EIPR1: variants seen among roughly 807,000 people sequenced by gnomAD.
EIPR1 encodes EARP complex and GARP complex interacting protein 1.
A neutral mutation model predicts 48.1 loss-of-function variants in EIPR1; 25 were observed. The observed-to-expected ratio is 0.52, with a 90% CI of 0.38 to 0.73. The LOEUF (loss-of-function observed/expected upper bound fraction) is 0.73, where lower values mean the gene tolerates loss of function less well. EIPR1 is among the 30% of genes least tolerant of loss of function. The pLI, the probability that EIPR1 is intolerant of heterozygous loss-of-function variation, is 0.00. For missense variants in EIPR1, 415 were observed against 506.2 expected, an observed-to-expected ratio of 0.82 and a Z score of 1.73; for synonymous variants, 204 against 201.9, an observed-to-expected ratio of 1.01 and a Z score of -0.09.
At position 3,313,094 on chromosome 2, in the gene EIPR1, A is replaced by G. The variant is rs540298565; in HGVS notation, c.259+24923T>C. Among the ~76,000 whole-genome samples the G allele has an allele frequency of 3.3e-5, 5 of 152,304 alleles. No individual in the cohort carries two copies. In the East Asian group the frequency reaches 5.8e-4, roughly 18 times the overall value. On this transcript the variant is annotated intron_variant, in intron 3 of 8. Transcript: ENST00000382125. ...AGCCTCAAGGAGACCCAGTGACCCA[A>G]TGAGGCTGGGTGACTGCCTCCAACT...
intron 1 of EIPR1, among the ~76,000 whole-genome samples, chr2:3,375,847 C>G (rs1005732391): frequency 6.6e-6 from 1 of 152,216 alleles, no homozygotes; most frequent in Admixed American, 6.5e-5. Context: ...GTGTCTGACA[C>G]ATAGTCCAGA....
In EIPR1 at chr2:3,285,355, C is replaced by A. The variant is rs560083870; in HGVS notation, c.260-27900G>T. Among the ~76,000 whole-genome samples the A allele has an allele frequency of 3.5e-4, 52 of 149,270 alleles. No individual in the cohort carries two copies. The East Asian group carries it at 8.8e-3, about 25-fold the overall frequency. ...CCCACCCCCACCCCCCAGGTCCCAG[C>A]TGTGGTGGACGGGAGCAGCAACACC... is the stretch of plus-strand genomic sequence containing the variant. On this transcript the variant is annotated intron_variant, in intron 3 of 8. Transcript: ENST00000382125.
At chr2:3,237,863 T>C (rs969563450) in intron 4 of EIPR1, among the ~76,000 whole-genome samples, 9 of 152,344 alleles carry the variant, frequency 5.9e-5, no homozygotes, top group Admixed American at 5.2e-4. Context: ...ACACGGCTGC[T>C]GTTCAATAAG....
chr2:3,340,487 T>C (rs11127413), intron 2 of EIPR1, among the ~76,000 whole-genome samples: 75,026 of 152,142 alleles, frequency 0.49, 20,429 homozygotes, highest in East Asian at 0.82. Context: ...ACCAGAGAAA[T>C]GAACACAGCA....
intron 1 of EIPR1, among the ~76,000 whole-genome samples, chr2:3,355,485 C>G (rs980085795): frequency 6.6e-6 from 1 of 152,156 alleles, no homozygotes; most frequent in African/African-American, 2.4e-5. Context: ...AAATCTGACA[C>G]TGAAAAATGT....
chr2:3,234,686 T>C (rs916903602), intron 4 of EIPR1, among the ~76,000 whole-genome samples: 3 of 152,256 alleles, frequency 2.0e-5, no homozygotes, highest in African/African-American at 4.8e-5. Context: ...CGGGACGCTG[T>C]TGAATTACAA....
intron 3 of EIPR1, among the ~76,000 whole-genome samples, chr2:3,328,222 T>C (rs1437465693): frequency 6.6e-6 from 1 of 152,192 alleles, no homozygotes; most frequent in Non-Finnish European, 1.5e-5. Context: ...CACATGAGTC[T>C]GCCTCACACT....
chr2:3,233,927 G>A (rs577435727), intron 4 of EIPR1, among the ~76,000 whole-genome samples: 6 of 152,196 alleles, frequency 3.9e-5, no homozygotes, highest in Non-Finnish European at 8.8e-5. Flanking sequence ...TCTATAAGGG[G>A]CTCAATGACA....
chr2:3,246,046 C>A (rs1666783339), intron 4 of EIPR1, among the ~76,000 whole-genome samples: 1 of 152,162 alleles, frequency 6.6e-6, no homozygotes, highest in African/African-American at 2.4e-5. Flanking sequence ...GAGCCGTGAT[C>A]ACACCACTGC....
At chr2:3,196,840 G>A in intron 6 of EIPR1, 41 bp downstream of exon 6, 1 of 1,607,346 alleles carries the variant, frequency 6.2e-7, no homozygotes, top group Non-Finnish European at 8.5e-7. Flanking sequence ...CTCGGTGAGG[G>A]AGGAAAGGAA....
intron 3 of EIPR1, among the ~76,000 whole-genome samples, chr2:3,300,463 T>C (rs920472644): frequency 2.4e-4 from 36 of 152,150 alleles, no homozygotes; most frequent in African/African-American, 8.4e-4. Context: ...CCTTCATCAT[T>C]GCTCCCTAAA....
intron 3 of EIPR1, among the ~76,000 whole-genome samples, chr2:3,291,702 T>G (rs1668371187): frequency 6.6e-6 from 1 of 152,204 alleles, no homozygotes; most frequent in Non-Finnish European, 1.5e-5. Flanking sequence ...CCATCCTTTC[T>G]CTCATTTAAT....
chr2:3,263,321 T>A (rs926176886), intron 3 of EIPR1, among the ~76,000 whole-genome samples: 3 of 152,084 alleles, frequency 2.0e-5, no homozygotes, highest in Non-Finnish European at 4.4e-5. Flanking sequence ...GACTGAGAAA[T>A]TGGAGACCCA....
intron 3 of EIPR1, among the ~76,000 whole-genome samples, chr2:3,269,100 T>A (rs993591222): frequency 1.3e-5 from 2 of 152,146 alleles, no homozygotes; most frequent in South Asian, 2.1e-4. Context: ...ATCTACTCCA[T>A]CATGTGGGCA....
At chr2:3,317,882 G>C (rs1669361325) in intron 3 of EIPR1, among the ~76,000 whole-genome samples, 1 of 152,198 alleles carries the variant, frequency 6.6e-6, no homozygotes, top group Non-Finnish European at 1.5e-5. Context: ...TGCCATGCCT[G>C]ACCCTGAAGC....
intron 4 of EIPR1, among the ~76,000 whole-genome samples, chr2:3,245,791 G>A (rs1205632845): frequency 6.6e-6 from 1 of 152,212 alleles, no homozygotes; most frequent in Non-Finnish European, 1.5e-5. Context: ...CAGGTGCGGT[G>A]GCTCACACCT....
At chr2:3,288,994 T>A (rs1668289704) in intron 3 of EIPR1, among the ~76,000 whole-genome samples, 2 of 152,148 alleles carry the variant, frequency 1.3e-5, no homozygotes, top group South Asian at 4.2e-4. Context: ...CACGGCCGTA[T>A]CTCCCGCAAT....
chr2:3,272,994 A>T (rs1391339619), intron 3 of EIPR1, among the ~76,000 whole-genome samples: 1 of 152,230 alleles, frequency 6.6e-6, no homozygotes, highest in Non-Finnish European at 1.5e-5. Context: ...AACACAGTTT[A>T]GACTGTGCTG....
intron 3 of EIPR1, among the ~76,000 whole-genome samples, chr2:3,327,789 C>T (rs1437522308): frequency 6.6e-6 from 1 of 152,254 alleles, no homozygotes; most frequent in East Asian, 1.9e-4. Context: ...AACCATGTAA[C>T]CATGGTTTTA....
Sources: allele counts gnomAD v4.1 joint callset (sites outside exome capture counted in the v4.1 genomes callset), GRCh38; gene constraint gnomAD v4.1.1; transcripts MANE v1.5; gene names NCBI Gene and HGNC (gene_info 2026-07-23, HGNC 2026-07-21).